Variants in GNAQ observed in about 807,000 individuals in gnomAD.
GNAQ encodes the protein guanine nucleotide-binding protein G(q) subunit alpha.
Under a neutral mutation model 43.9 loss-of-function variants are expected in GNAQ, and 8 were observed. That is an observed-to-expected ratio of 0.18 (90% confidence interval 0.11 to 0.33). The LOEUF is 0.33. GNAQ is among the 10% of genes least tolerant of loss of function. The pLI, the probability that GNAQ is intolerant of heterozygous loss-of-function variation, is 1.00. For missense variants in GNAQ, 158 were observed against 450.8 expected, an observed-to-expected ratio of 0.35 and a Z score of 5.88; for synonymous variants, 155 against 170.7, an observed-to-expected ratio of 0.91 and a Z score of 0.71.
chr9:77,904,673 C>T (rs1194723730), intron 2 of GNAQ, among the ~76,000 whole-genome samples: 1 of 152,018 alleles, frequency 6.6e-6, no homozygotes, highest in Non-Finnish European at 1.5e-5. Context: ...ATAATTAGTG[C>T]TTAGGTAAAA....
At chr9:77,751,639 C>T (rs1825812916) in intron 5 of GNAQ, among the ~76,000 whole-genome samples, 1 of 152,010 alleles carries the variant, frequency 6.6e-6, no homozygotes, top group African/African-American at 2.4e-5. Context: ...AGCAATGCTG[C>T]CCCCATGTGG....
At chr9:77,808,460 G>A (rs1826863076) in intron 3 of GNAQ, among the ~76,000 whole-genome samples, 1 of 151,192 alleles carries the variant, frequency 6.6e-6, no homozygotes, top group Admixed American at 6.6e-5. Flanking sequence ...ATGACACTTT[G>A]TGTTATTATT....
chr9:77,811,663 T>TG (rs1012734301), intron 3 of GNAQ, among the ~76,000 whole-genome samples: 1 of 152,210 alleles, frequency 6.6e-6, no homozygotes, highest in Non-Finnish European at 1.5e-5. Context: ...GTCCTATTTC[T>TG]GTTGAGAGGT....
chr9:77,951,569 A>G (rs980807434), intron 1 of GNAQ, among the ~76,000 whole-genome samples: 1 of 152,164 alleles, frequency 6.6e-6, no homozygotes, highest in African/African-American at 2.4e-5. Flanking sequence ...TTAGCTGTGT[A>G]CCTAAAAATG....
chr9:77,891,604 C>A (rs963716710), intron 2 of GNAQ, among the ~76,000 whole-genome samples: 6 of 152,152 alleles, frequency 3.9e-5, no homozygotes, highest in African/African-American at 1.4e-4. Flanking sequence ...AGCCTGAGGG[C>A]CCTGCCTTTG....
chr9:78,030,756 G>T (rs1824042371), intron 1 of GNAQ, among the ~76,000 whole-genome samples: 1 of 152,024 alleles, frequency 6.6e-6, no homozygotes, highest in Non-Finnish European at 1.5e-5. Context: ...CCACCCCCGC[G>T]CCTCTGGTCG....
intron 2 of GNAQ, among the ~76,000 whole-genome samples, chr9:77,888,104 G>A (rs934267855): frequency 6.6e-6 from 1 of 152,156 alleles, no homozygotes; most frequent in African/African-American, 2.4e-5. Flanking sequence ...GACATGCAAT[G>A]ATGACATCTT....
rs533038886 is a variant in GNAQ at position 77,975,334 on chromosome 9, C to T, written c.137-52989G>A. 3.8e-4 allele frequency among the ~76,000 whole-genome samples: 58 copies of T among 152,194 alleles called. 1 individual carries two copies. The highest frequency in any genetic ancestry group is 1.0e-3 in the South Asian group (5 of 4,824). On this transcript the variant is annotated intron_variant, in intron 1 of 6. Transcript: ENST00000286548. ...ACTTTTACAGAATGCTTACTGGGTA[C>T]CAAGAACTGCAATAAGTGCTTTATT...
chr9:77,984,048 G>GAAAAAAAAAA (rs1564170418), intron 1 of GNAQ, among the ~76,000 whole-genome samples: 6 of 24,724 alleles, frequency 2.4e-4, no homozygotes, highest in African/African-American at 1.2e-3. Flanking sequence ...ATTTTGGAGA[G>GAAAAAAAAAA]CAAAAAAAAA....
chr9:77,986,224 C>A (rs1446687865), intron 1 of GNAQ, among the ~76,000 whole-genome samples: 2 of 152,174 alleles, frequency 1.3e-5, no homozygotes, highest in Non-Finnish European at 2.9e-5. Context: ...TCCCATCCAA[C>A]AGAATCCTGT....
intron 1 of GNAQ, among the ~76,000 whole-genome samples, chr9:77,934,523 G>A (rs775888335): frequency 1.3e-4 from 20 of 152,020 alleles, no homozygotes; most frequent in Non-Finnish European, 2.1e-4. Context: ...AGCCAGCCAA[G>A]TACTGCCCCA....
At chr9:77,889,389 C>T (rs1009517935) in intron 2 of GNAQ, among the ~76,000 whole-genome samples, 3 of 108,274 alleles carry the variant, frequency 2.8e-5, no homozygotes, top group Admixed American at 1.4e-4. Context: ...CCAGCCTGGG[C>T]GACAAAGCCA....
At chr9:77,897,659 C>A (rs935675309) in intron 2 of GNAQ, among the ~76,000 whole-genome samples, 13 of 152,178 alleles carry the variant, frequency 8.5e-5, no homozygotes, top group Admixed American at 6.5e-5. Flanking sequence ...CTCATTAAGA[C>A]TGTCTCCTTC....
At chr9:77,842,483 G>C (rs930489385) in intron 2 of GNAQ, among the ~76,000 whole-genome samples, 14 of 152,100 alleles carry the variant, frequency 9.2e-5, no homozygotes. Flanking sequence ...CAATATTTAG[G>C]AATGAAAAAC....
In GNAQ at chr9:77,750,299, T is replaced by C. The variant is rs143343483; in HGVS notation, c.736-21632A>G. 2.6e-4 allele frequency among the ~76,000 whole-genome samples: 40 copies of C among 152,298 alleles called. No homozygotes were observed. In the East Asian group the frequency reaches 6.9e-3, roughly 26 times the overall value. On this transcript the variant is annotated intron_variant, in intron 5 of 6. Transcript: ENST00000286548. ...ACAGATGTTTTTGATATTCAATCTT[T>C]CTTAAATGTAAAATATGAAAACCAA...
At chr9:77,877,658 T>C (rs1039730261) in intron 2 of GNAQ, among the ~76,000 whole-genome samples, 3 of 152,182 alleles carry the variant, frequency 2.0e-5, no homozygotes, top group Admixed American at 2.0e-4. Flanking sequence ...TATGATCCCA[T>C]TCTGTACTTA....
intron 5 of GNAQ, among the ~76,000 whole-genome samples, chr9:77,739,040 T>C (rs1168549568): frequency 6.6e-6 from 1 of 152,196 alleles, no homozygotes; most frequent in African/African-American, 2.4e-5. Flanking sequence ...TATGAAAGCA[T>C]ATTGCAAATT....
chr9:77,894,390 A>T (rs1221405304), intron 2 of GNAQ, among the ~76,000 whole-genome samples: 1 of 420 alleles, frequency 2.4e-3, no homozygotes, highest in African/African-American at 5.3e-3. Flanking sequence ...TAATAGAAAA[A>T]AAATATATAT....
At chr9:77,755,676 T>G (rs1434580642) in intron 5 of GNAQ, among the ~76,000 whole-genome samples, 1 of 152,242 alleles carries the variant, frequency 6.6e-6, no homozygotes, top group African/African-American at 2.4e-5. Context: ...TTAAGTATCG[T>G]TAACTTTATG....
Sources: gnomAD v4.1 joint callset for allele counts (sites outside exome capture counted in the v4.1 genomes callset) on GRCh38, gnomAD v4.1.1 for gene constraint, MANE v1.5 for transcripts, NCBI Gene and HGNC (gene_info 2026-07-23, HGNC 2026-07-21) for gene names.